The following BIRC2 variants were observed in gnomAD, a reference collection of about 807,000 sequenced individuals.
BIRC2 encodes the protein baculoviral IAP repeat-containing protein 2.
A neutral mutation model predicts 60.9 loss-of-function variants in BIRC2; 18 were observed. That is an observed-to-expected ratio of 0.30 (90% confidence interval 0.20 to 0.44). The LOEUF is 0.44. Among genes scored for constraint, BIRC2 ranks in the 20% least tolerant of loss-of-function variants. BIRC2 has a pLI of 1.00. For synonymous variants in BIRC2, 282 were observed against 247.7 expected (o/e 1.14, Z -1.30); for missense variants, 701 against 728.5 (o/e 0.96, Z 0.43).
intron 5 of BIRC2, among the ~76,000 whole-genome samples, chr11:102,367,534 G>T (rs1591540118): frequency 1.3e-5 from 2 of 152,192 alleles, no homozygotes; most frequent in Admixed American, 6.5e-5. Flanking sequence ...GTTTCCAGAA[G>T]ATGGCAGTAG....
At chr11:102,354,203 GATTTT>G (rs1178427519) in intron 3 of BIRC2, among the ~76,000 whole-genome samples, 1 of 152,068 alleles carries the variant, frequency 6.6e-6, no homozygotes, top group South Asian at 2.1e-4. Flanking sequence ...CAGATGGTAG[GATTTT>G]ATTTTATTTT....
rs537865836 is a variant in BIRC2, at chr11:102,377,182, G to A, written c.1367-314G>A. On this transcript the variant is annotated intron_variant, in intron 6 of 8. Coordinates refer to ENST00000227758, the MANE Select transcript of BIRC2 (RefSeq NM_001166.5). ...ATGAAAGTGCTTACAAAAGTAAAAT[G>A]ATATAATGGAAATACAAGAGTATTA... Among the ~76,000 whole-genome samples, 12 of 152,222 alleles carry A rather than the reference G, an allele frequency of 7.9e-5. No homozygotes were observed. In the South Asian group the frequency reaches 2.5e-3, roughly 32 times the overall value.
At chr11:102,355,734 T>C (rs1951412798) in intron 3 of BIRC2, among the ~76,000 whole-genome samples, 1 of 152,202 alleles carries the variant, frequency 6.6e-6, no homozygotes. Context: ...AATATTCTTA[T>C]AATTTAAGAA....
intron 6 of BIRC2, among the ~76,000 whole-genome samples, chr11:102,376,679 A>G (rs1424343232): frequency 6.6e-6 from 1 of 152,208 alleles, no homozygotes; most frequent in Non-Finnish European, 1.5e-5. Context: ...GGCTTTTTAA[A>G]AAAAGGTCAG....
chr11:102,362,951 A>G lies in BIRC2; in HGVS notation c.1051A>G (p.Arg351Gly). 1.2e-6 allele frequency: 2 copies of G among 1,611,802 alleles called. No individual in the cohort carries two copies. Among genetic ancestry groups the G allele is most frequent in the Non-Finnish European group, 8.5e-7 (1 of 1,178,284 alleles). ...GQEFVDEIQG[R>G]YPHLLEQLLS... ...AGAGTTTGTTGATGAGATTCAAGGTAGATATCCTCATCTTCTTGAACAGGT... is the reference window on the plus strand; with the variant it reads ...AGAGTTTGTTGATGAGATTCAAGGTGGATATCCTCATCTTCTTGAACAGGT... The change falls in exon 4 of 9, where the codon AGA becomes GGA. Residue 351 changes from arginine to glycine, a missense_variant. Physicochemically the swap from Arg to Gly is moderately radical, Grantham distance 125 (BLOSUM62 -2). Around this residue, in one of 4 missense-constraint regions of BIRC2, gnomAD observed 39 missense variants for 69.8 expected, o/e 0.56. Transcript: ENST00000227758.
chr11:102,356,056 C>G (rs1167539603), intron 3 of BIRC2, among the ~76,000 whole-genome samples: 1 of 152,154 alleles, frequency 6.6e-6, no homozygotes, highest in Non-Finnish European at 1.5e-5. Context: ...GAGAGTTTGA[C>G]TTCTTCCAGT....
chr11:102,354,777 A>C (rs1400071009), intron 3 of BIRC2, among the ~76,000 whole-genome samples: 1 of 152,154 alleles, frequency 6.6e-6, no homozygotes, highest in African/African-American at 2.4e-5. Context: ...CGATGATAAT[A>C]AGGCATCATT....
At chr11:102,352,086 C>G (rs1321737465) in intron 3 of BIRC2, among the ~76,000 whole-genome samples, 1 of 151,878 alleles carries the variant, frequency 6.6e-6, no homozygotes, top group Non-Finnish European at 1.5e-5. Context: ...ATCCTGGCAA[C>G]CACCATTGTC....
chr11:102,376,070 A>G (rs1455687989), intron 6 of BIRC2, among the ~76,000 whole-genome samples: 1 of 152,158 alleles, frequency 6.6e-6, no homozygotes, highest in Non-Finnish European at 1.5e-5. Context: ...TAGTAATGAA[A>G]TCCAGCTAAG....
intron 3 of BIRC2, among the ~76,000 whole-genome samples, chr11:102,353,181 T>A (rs1951382826): frequency 1.3e-5 from 2 of 152,326 alleles, no homozygotes; most frequent in South Asian, 4.1e-4. Flanking sequence ...CAAATTCCAG[T>A]GTTGGAACTG....
At chr11:102,375,076 T>G (rs1321482954) in intron 6 of BIRC2, among the ~76,000 whole-genome samples, 3 of 152,220 alleles carry the variant, frequency 2.0e-5, no homozygotes, top group African/African-American at 7.2e-5. Context: ...TGGCACTCCC[T>G]AGTGAGATGA....
intron 3 of BIRC2, among the ~76,000 whole-genome samples, chr11:102,353,282 C>T (rs912617724): frequency 1.3e-5 from 2 of 152,062 alleles, no homozygotes; most frequent in Non-Finnish European, 2.9e-5. Flanking sequence ...GATGTAGGGG[C>T]GTGTTTTGTA....
chr11:102,350,223 C>T lies in BIRC2; in HGVS notation c.369C>T (p.Ser123=). The stretch of plus-strand genomic sequence containing the variant: ...ATCTGGTTTCAGCTAGTCTGGGATC[C>T]ACCTCTAAGAATACGTCTCCAATGA... ...IQNLVSASLG[S]TSKNTSPMRN... is the part of the protein sequence containing the mutation. Residue 123 remains serine (S), a synonymous_variant, in exon 2 of 9, where the codon TCC becomes TCT. Transcript: ENST00000227758. 6.2e-7 allele frequency: 1 copy of T among 1,614,200 alleles called. No homozygotes were observed. Among genetic ancestry groups the T allele is most frequent in the Non-Finnish European group, 8.5e-7 (1 of 1,180,038 alleles).
At chr11:102,347,787 C>T (rs186756675) in intron 1 of BIRC2, 1 of 152,350 alleles carries the variant, frequency 6.6e-6, no homozygotes, top group East Asian at 1.9e-4. Flanking sequence ...CCACTGCGCT[C>T]TGTCATTCCA....
intron 5 of BIRC2, among the ~76,000 whole-genome samples, chr11:102,366,795 A>AT (rs1951557728): frequency 6.6e-6 from 1 of 152,194 alleles, no homozygotes; most frequent in Admixed American, 6.5e-5. Flanking sequence ...TCTTCTGAAA[A>AT]CACAAGTCAA....
At position 102,377,993 on chromosome 11, in the gene BIRC2, T is replaced by C. The variant is rs1254106962; in HGVS notation, c.1667T>C (p.Leu556Pro). 1 of 1,607,424 alleles carries C rather than the reference T, an allele frequency of 6.2e-7. No homozygotes were observed. The highest frequency in any genetic ancestry group is 8.5e-7 in the Non-Finnish European group (1 of 1,177,752). Residue 556 changes from leucine to proline, a missense_variant, in exon 9 of 9, where the codon CTG (leucine) becomes CCG (proline). Leu to Pro is a moderately conservative substitution (Grantham distance 98). Transcript: ENST00000227758. ...TAAAGTTATTTTTTGTTATTAGGTCTGTCACTGGAAGAACAATTGAGGAGG... is the reference window on the plus strand; with the variant it reads ...TAAAGTTATTTTTTGTTATTAGGTCCGTCACTGGAAGAACAATTGAGGAGG... ...KYIPTEDVSG[L>P]SLEEQLRRLQ...
rs572023187 is a variant in BIRC2 at position 102,373,372 on chromosome 11, A to G, written c.1367-4124A>G. ...TTTTAGGGCAGGCCTGGTGGTGACA[A>G]AATCTCTCACCATTTGCTTGTCTGT... is the stretch of plus-strand genomic sequence containing the variant. On this transcript the variant is annotated intron_variant, in intron 6 of 8. Coordinates refer to ENST00000227758, the MANE Select transcript of BIRC2 (RefSeq NM_001166.5). 2.3e-3 allele frequency among the ~76,000 whole-genome samples: 351 copies of G among 152,234 alleles called. 3 individuals are homozygous for G. The highest frequency in any genetic ancestry group is 0.014 in the Admixed American group (211 of 15,290).
In BIRC2 at chr11:102,350,633, G is replaced by A. The variant is rs749775498; in HGVS notation, c.779G>A (p.Ser260Asn). The A allele has an allele frequency of 2.5e-6, 4 of 1,614,058 alleles. No homozygotes were observed. The highest frequency in any genetic ancestry group is 2.2e-5 in the East Asian group (1 of 44,890). The change falls in exon 2 of 9, where the codon AGC becomes AAC. Residue 260 changes from serine to asparagine, a missense_variant. Ser to Asn is a conservative substitution (Grantham distance 46, BLOSUM62 1). Coordinates refer to ENST00000227758, the MANE Select transcript of BIRC2 (RefSeq NM_001166.5). ...LENSLETLRF[S>N]ISNLSMQTHA... ...AATTCTCTAGAAACTCTGAGGTTTAGCATTTCAAATCTGAGCATGCAGACA... is the reference window on the plus strand; with the variant it reads ...AATTCTCTAGAAACTCTGAGGTTTAACATTTCAAATCTGAGCATGCAGACA...
chr11:102,364,174 T>TATACACAC (rs1389968594), intron 5 of BIRC2, among the ~76,000 whole-genome samples: 8 of 78,114 alleles, frequency 1.0e-4, no homozygotes, highest in East Asian at 9.2e-4. Context: ...TATATATATA[T>TATACACAC]ACACACACAC....
Sources: allele counts gnomAD v4.1 joint callset (sites outside exome capture counted in the v4.1 genomes callset), GRCh38; gene constraint gnomAD v4.1.1; regional missense constraint gnomAD v4.1.1; transcripts MANE v1.5; gene names NCBI Gene and HGNC (gene_info 2026-07-23, HGNC 2026-07-21).